The following PIK3C2G variants were observed in gnomAD, a reference collection of about 807,000 sequenced individuals.
The protein encoded by PIK3C2G is phosphatidylinositol-4-phosphate 3-kinase catalytic subunit type 2 gamma, also known as phosphatidylinositol 3-kinase C2 domain-containing subunit gamma.
A neutral mutation model predicts 181.1 loss-of-function variants in PIK3C2G; 168 were observed. That is an observed-to-expected ratio of 0.93 (90% CI 0.82 to 1.05). The LOEUF is 1.05. Among genes scored for constraint, PIK3C2G ranks in the 50% least tolerant of loss-of-function variants. The probability of loss-of-function intolerance (pLI) is 0.00; values close to 1 mark genes in which losing one functional copy is unlikely to be tolerated. For missense variants in PIK3C2G, 1,869 were observed against 1,732.8 expected, an observed-to-expected ratio of 1.08 and a Z score of -1.40; for synonymous variants, 573 against 592.2, an observed-to-expected ratio of 0.97 and a Z score of 0.47.
chr12:18,281,606 G>A (rs1311180726), intron 1 of PIK3C2G, among the ~76,000 whole-genome samples: 1 of 151,938 alleles, frequency 6.6e-6, no homozygotes, highest in Admixed American at 6.6e-5. Context: ...CTATGGATGG[G>A]GTAATTGCTG....
chr12:18,709,868 TCTTTCA>T, the PIK3C2G span, among the ~76,000 whole-genome samples: 1 of 152,174 alleles, frequency 6.6e-6, no homozygotes, highest in Non-Finnish European at 1.5e-5. Context: ...AGTATACAGA[TCTTTCA>T]CTTCCTTGGT....
At chr12:18,441,521 G>A (rs575823021) in intron 18 of PIK3C2G, among the ~76,000 whole-genome samples, 1 of 152,094 alleles carries the variant, frequency 6.6e-6, no homozygotes, top group Non-Finnish European at 1.5e-5. Flanking sequence ...AGTAATGATA[G>A]GGTGTGATAT....
intron 31 of PIK3C2G, among the ~76,000 whole-genome samples, chr12:18,635,702 T>A (rs1228387483): frequency 3.3e-5 from 5 of 152,216 alleles, no homozygotes; most frequent in Non-Finnish European, 7.3e-5. Flanking sequence ...TACTGGATCA[T>A]GTAACCCATG....
At chr12:18,566,843 T>C in intron 28 of PIK3C2G, 106 bp from the exon 29 acceptor site, 1 of 693,074 alleles carries the variant, frequency 1.4e-6, no homozygotes, top group Non-Finnish European at 2.6e-6. Flanking sequence ...TTCAAATGTT[T>C]TCATTGGCCC....
chr12:18,688,255 A>G, the PIK3C2G span: 6 of 1,569,446 alleles, frequency 3.8e-6, no homozygotes, highest in Non-Finnish European at 4.3e-6. Context: ...ATTTAGCAAG[A>G]TATTAAGTTA....
chr12:18,564,606 C>G (rs1945523511), intron 28 of PIK3C2G, among the ~76,000 whole-genome samples: 1 of 151,672 alleles, frequency 6.6e-6, no homozygotes, highest in Admixed American at 6.6e-5. Context: ...ATGCTTTGAG[C>G]ATCAGGAAGT....
At chr12:18,631,217 G>A (rs530964664) in intron 31 of PIK3C2G, among the ~76,000 whole-genome samples, 16 of 152,118 alleles carry the variant, frequency 1.1e-4, no homozygotes, top group Admixed American at 2.0e-4. Context: ...AACAACATTG[G>A]GGGGAAGAGA....
At chr12:18,373,965 T>C (rs986222563) in intron 13 of PIK3C2G, among the ~76,000 whole-genome samples, 1 of 152,180 alleles carries the variant, frequency 6.6e-6, no homozygotes, top group African/African-American at 2.4e-5. Flanking sequence ...GTAGCCACAA[T>C]GTAGCGAGAA....
chr12:18,301,156 T>C (rs929809315), intron 5 of PIK3C2G, among the ~76,000 whole-genome samples: 4 of 152,176 alleles, frequency 2.6e-5, no homozygotes, highest in African/African-American at 9.6e-5. Flanking sequence ...TCTTTGGCTT[T>C]TGACAGTTTG....
chr12:18,450,907 G>A (rs576683462), intron 18 of PIK3C2G, among the ~76,000 whole-genome samples: 28 of 152,196 alleles, frequency 1.8e-4, no homozygotes, highest in African/African-American at 6.7e-4. Context: ...TGTTATTTCT[G>A]AGGCCACTGT....
chr12:18,287,032 T>C (rs1949475273), intron 3 of PIK3C2G, 103 bp downstream of exon 3: 1 of 475,080 alleles, frequency 2.1e-6, no homozygotes, highest in African/African-American at 2.0e-5. Flanking sequence ...AAAGTCAAAG[T>C]CATGTAATTT....
chr12:18,661,494 CTG>C, the PIK3C2G span, among the ~76,000 whole-genome samples: 1 of 152,166 alleles, frequency 6.6e-6, no homozygotes, highest in East Asian at 1.9e-4. Flanking sequence ...ACCATGAATC[CTG>C]TATCTAGCAA....
At chr12:18,719,020 T>C in the PIK3C2G span, among the ~76,000 whole-genome samples, 6 of 152,294 alleles carry the variant, frequency 3.9e-5, no homozygotes, top group Non-Finnish European at 8.8e-5. Flanking sequence ...TGTATTTATG[T>C]GTTGGCTTTA....
intron 16 of PIK3C2G, among the ~76,000 whole-genome samples, chr12:18,418,880 T>G (rs80001973): frequency 1.3e-5 from 2 of 152,206 alleles, no homozygotes; most frequent in East Asian, 1.9e-4. Context: ...GCTTCACAGG[T>G]AAATTGATGC....
At chr12:18,646,613 C>G (rs1348860791) in intron 32 of PIK3C2G, among the ~76,000 whole-genome samples, 2 of 152,128 alleles carry the variant, frequency 1.3e-5, no homozygotes, top group Non-Finnish European at 2.9e-5. Flanking sequence ...GGGCTGCCCT[C>G]TCAAGTTGTC....
chr12:18,447,170 T>C (rs1413638455), intron 18 of PIK3C2G, among the ~76,000 whole-genome samples: 1 of 152,178 alleles, frequency 6.6e-6, no homozygotes, highest in Non-Finnish European at 1.5e-5. Flanking sequence ...GATGATCACT[T>C]TTTACTCAGG....
intron 22 of PIK3C2G, among the ~76,000 whole-genome samples, chr12:18,500,012 C>G (rs1181638197): frequency 6.6e-6 from 1 of 152,266 alleles, no homozygotes; most frequent in Non-Finnish European, 1.5e-5. Flanking sequence ...CGCTCGCTCT[C>G]GGCGCCTCCT....
chr12:18,650,704 G>GTGTA (rs1950446696), downstream of PIK3C2G, among the ~76,000 whole-genome samples: 14 of 57,762 alleles, frequency 2.4e-4, no homozygotes, highest in East Asian at 4.4e-4. Context: ...GTGTGTGTGT[G>GTGTA]TATATATCTA....
the PIK3C2G span, among the ~76,000 whole-genome samples, chr12:18,702,494 A>C: frequency 6.6e-6 from 1 of 152,092 alleles, no homozygotes; most frequent in African/African-American, 2.4e-5. Flanking sequence ...TATAAAGTAA[A>C]GTTCTTTTCT....
Sources: allele counts gnomAD v4.1 joint callset (sites outside exome capture counted in the v4.1 genomes callset), GRCh38; gene constraint gnomAD v4.1.1; transcripts MANE v1.5; gene names NCBI Gene and HGNC (gene_info 2026-07-23, HGNC 2026-07-21).